The following PTPRD variants were observed in gnomAD, a reference collection of about 807,000 sequenced individuals.
PTPRD encodes protein tyrosine phosphatase receptor type D, also known as receptor-type tyrosine-protein phosphatase delta.
In PTPRD, 34 loss-of-function variants were observed where a neutral mutation model predicts 214.5. The observed-to-expected ratio is 0.16, with a 90% CI of 0.12 to 0.21. The LOEUF (loss-of-function observed/expected upper bound fraction) is 0.21. Ranked by LOEUF, PTPRD falls within the 10% of genes least tolerant of loss-of-function variation. The pLI, the probability that PTPRD is intolerant of heterozygous loss-of-function variation, is 1.00. For missense variants in PTPRD, 2,545 were observed against 2,398.7 expected (o/e 1.06, Z -1.27); for synonymous variants, 1,128 against 845.7 (o/e 1.33, Z -5.79).
intron 19 of PTPRD, among the ~76,000 whole-genome samples, chr9:8,521,937 C>T (rs1295553160): frequency 6.6e-6 from 1 of 152,136 alleles, no homozygotes; most frequent in Non-Finnish European, 1.5e-5. Context: ...TGGAAGGTCA[C>T]CAGCATGTTT....
At chr9:9,911,914 A>G (rs917396720) in intron 5 of PTPRD, among the ~76,000 whole-genome samples, 1 of 152,128 alleles carries the variant, frequency 6.6e-6, no homozygotes, top group African/African-American at 2.4e-5. Flanking sequence ...CAAAGAGATC[A>G]TCTGTTTTTT....
chr9:9,148,395 C>G (rs532472253), intron 10 of PTPRD, among the ~76,000 whole-genome samples: 5 of 152,052 alleles, frequency 3.3e-5, no homozygotes, highest in Non-Finnish European at 7.4e-5. Context: ...AAAAACCCAA[C>G]CTGTAATTAT....
chr9:9,067,256 CA>C (rs1440963011), intron 10 of PTPRD, among the ~76,000 whole-genome samples: 2 of 152,038 alleles, frequency 1.3e-5, no homozygotes, highest in East Asian at 3.9e-4. Flanking sequence ...AACAAACAAA[CA>C]AAAAAACTTG....
intron 3 of PTPRD, among the ~76,000 whole-genome samples, chr9:10,086,544 T>G (rs1050663075): frequency 6.6e-6 from 1 of 151,812 alleles, no homozygotes; most frequent in Non-Finnish European, 1.5e-5. Context: ...CTAGCTGTTA[T>G]AAACTTGGAC....
chr9:9,244,208 T>G (rs1056866045), intron 9 of PTPRD, among the ~76,000 whole-genome samples: 1 of 152,096 alleles, frequency 6.6e-6, no homozygotes, highest in Non-Finnish European at 1.5e-5. Flanking sequence ...ATGGCCATAC[T>G]GCCCAAGGTA....
At chr9:8,741,407 T>G (rs1385035502) in intron 11 of PTPRD, among the ~76,000 whole-genome samples, 1 of 152,110 alleles carries the variant, frequency 6.6e-6, no homozygotes, top group African/African-American at 2.4e-5. Context: ...ACAAGTCTAT[T>G]CAACATGCCG....
At chr9:9,886,639 C>T (rs1263425738) in intron 5 of PTPRD, among the ~76,000 whole-genome samples, 18 of 152,094 alleles carry the variant, frequency 1.2e-4, no homozygotes, top group Admixed American at 1.2e-3. Context: ...AATCTCTGCT[C>T]CTTGAATCTG....
Position 9,613,051 on chromosome 9 carries a change from G to A in PTPRD, c.-286-38270C>T, listed in dbSNP as rs184930325. Reference sequence around the variant, plus strand: ...AGGGTAGGGCTGGGGCCTAAGCTTCGCCTTCTGAACAAAGTCTCATGATGC... The same window carrying A: ...AGGGTAGGGCTGGGGCCTAAGCTTCACCTTCTGAACAAAGTCTCATGATGC... On this transcript the variant is annotated intron_variant, in intron 7 of 45. Transcript: ENST00000381196. Among the ~76,000 whole-genome samples, 74 of 140,970 alleles carry A rather than the reference G, an allele frequency of 5.2e-4. No homozygotes were observed. The East Asian group carries it at 9.6e-3, about 18-fold the overall frequency. The allele number at this position is 140,970 out of a possible 152,430, so 92.5% of individuals were successfully genotyped here. A position where few individuals can be genotyped will look rare whatever the true frequency, so the allele number is the denominator to read the frequency against.
chr9:10,331,533 T>G (rs2096750640), intron 3 of PTPRD, among the ~76,000 whole-genome samples: 1 of 151,826 alleles, frequency 6.6e-6, no homozygotes, highest in Admixed American at 6.6e-5. Context: ...TAAGAGATGG[T>G]TCATAAAGAA....
intron 7 of PTPRD, among the ~76,000 whole-genome samples, chr9:9,638,580 T>A (rs886538410): frequency 1.3e-5 from 2 of 152,168 alleles, no homozygotes; most frequent in Non-Finnish European, 2.9e-5. Flanking sequence ...TGAATCACCC[T>A]AATGCTCCAT....
At chr9:9,103,475 A>G (rs1049242005) in intron 10 of PTPRD, among the ~76,000 whole-genome samples, 3 of 152,184 alleles carry the variant, frequency 2.0e-5, no homozygotes, top group Non-Finnish European at 4.4e-5. Flanking sequence ...TATATGATGA[A>G]CTTATATATG....
intron 7 of PTPRD, among the ~76,000 whole-genome samples, chr9:9,718,238 T>G (rs2097867657): frequency 6.6e-6 from 1 of 152,190 alleles, no homozygotes. Context: ...AACATGAGTA[T>G]GAAAATAGCA....
intron 10 of PTPRD, among the ~76,000 whole-genome samples, chr9:9,138,578 G>C (rs7038439): frequency 1.3e-5 from 2 of 152,146 alleles, no homozygotes; most frequent in East Asian, 3.9e-4. Context: ...CTTTTTAAAA[G>C]TATAGTGTGT....
In PTPRD at chr9:8,528,613, A is replaced by G. The variant is rs2139457194; in HGVS notation, c.519T>C (p.Gly173=). The G allele has an allele frequency of 1.2e-6, 2 of 1,613,754 alleles. No homozygotes were observed. The highest frequency in any genetic ancestry group is 8.5e-7 in the Non-Finnish European group (1 of 1,179,740). The change falls in exon 15 of 46, where the codon GGT becomes GGC. Residue 173 remains glycine, a synonymous_variant. Transcript: ENST00000381196. ...TACCTGATCGTAACTGCTTAATACG[A>G]CCATTGTTGTTGCTTGTGTCCACAG... is the stretch of plus-strand genomic sequence containing the variant. ...FLPVDTSNNN[G]RIKQLRSESI... is the part of the protein sequence containing the mutation.
At chr9:9,529,136 G>A (rs1341049819) in intron 8 of PTPRD, among the ~76,000 whole-genome samples, 4 of 151,780 alleles carry the variant, frequency 2.6e-5, no homozygotes, top group East Asian at 1.9e-4. Context: ...GTTTCACCAT[G>A]TTAGCCAGAC....
chr9:8,409,518 T>A (rs1479476867), intron 35 of PTPRD, among the ~76,000 whole-genome samples: 1 of 152,188 alleles, frequency 6.6e-6, no homozygotes, highest in Non-Finnish European at 1.5e-5. Context: ...TGATCATCAA[T>A]TTGCACATCA....
At chr9:9,737,876 A>G (rs1777798426) in intron 6 of PTPRD, among the ~76,000 whole-genome samples, 1 of 152,124 alleles carries the variant, frequency 6.6e-6, no homozygotes, top group Non-Finnish European at 1.5e-5. Context: ...TCATCTGGTA[A>G]TTCTATGTGT....
intron 11 of PTPRD, among the ~76,000 whole-genome samples, chr9:9,004,849 G>T (rs546892227): frequency 5.9e-5 from 9 of 152,086 alleles, no homozygotes; most frequent in Admixed American, 2.6e-4. Flanking sequence ...GTGTGTATAG[G>T]AAAAACAAAC....
chr9:9,677,610 T>C (rs966301849), intron 7 of PTPRD, among the ~76,000 whole-genome samples: 3 of 152,036 alleles, frequency 2.0e-5, no homozygotes, highest in Non-Finnish European at 2.9e-5. Context: ...ACAGCCAGTA[T>C]CATACTGAAT....
Sources: gnomAD v4.1 joint callset for allele counts (sites outside exome capture counted in the v4.1 genomes callset) on GRCh38, gnomAD v4.1.1 for gene constraint, MANE v1.5 for transcripts, NCBI Gene and HGNC (gene_info 2026-07-23, HGNC 2026-07-21) for gene names.